RAD51B: variants seen among roughly 807,000 people sequenced by gnomAD.
RAD51B encodes the protein RAD51 paralog B, also known as DNA repair protein RAD51 homolog 2.
A neutral mutation model predicts 42.2 loss-of-function variants in RAD51B; 38 were observed. The observed-to-expected ratio is 0.90, with a 90% CI of 0.70 to 1.18. RAD51B has a LOEUF of 1.18. Ranked by LOEUF, RAD51B falls within the 50% of genes most tolerant of loss-of-function variation. The pLI is 0.00. For missense variants in RAD51B, 373 were observed against 400.7 expected (o/e 0.93, Z 0.59); for synonymous variants, 154 against 145.2 (o/e 1.06, Z -0.43).
chr14:68,525,602 A>G lies in RAD51B; in HGVS notation c.1036+57352A>G, dbSNP rs146786608. Reference sequence around the variant, plus strand: ...CTTCAGCCATCAGAGTTTCCCTGCAATGGGGTCTCTTCTTGACGAGTGATG... The same window carrying G: ...CTTCAGCCATCAGAGTTTCCCTGCAGTGGGGTCTCTTCTTGACGAGTGATG... On this transcript the variant is annotated intron_variant, in intron 10 of 10. Transcript: ENST00000487270. Among the ~76,000 whole-genome samples the G allele has an allele frequency of 2.4e-4, 37 of 152,256 alleles. No homozygotes were observed. In the East Asian group the frequency reaches 4.6e-3, roughly 19 times the overall value.
chr14:68,320,007 A>C (rs1447584709), intron 8 of RAD51B, among the ~76,000 whole-genome samples: 1 of 152,208 alleles, frequency 6.6e-6, no homozygotes, highest in African/African-American at 2.4e-5. Context: ...ATTGAAAGGC[A>C]GAAGTGGGAT....
intron 10 of RAD51B, among the ~76,000 whole-genome samples, chr14:68,604,237 C>T (rs1200104142): frequency 6.6e-6 from 1 of 152,136 alleles, no homozygotes; most frequent in Non-Finnish European, 1.5e-5. Flanking sequence ...CGGCCCACTC[C>T]CAGGCTGAAA....
At chr14:68,662,222 T>C (rs1892947375) in intron 11 of RAD51B, among the ~76,000 whole-genome samples, 1 of 152,244 alleles carries the variant, frequency 6.6e-6, no homozygotes, top group Non-Finnish European at 1.5e-5. Context: ...TTGATTCACG[T>C]CGACTTTACA....
intron 8 of RAD51B, among the ~76,000 whole-genome samples, chr14:68,382,652 A>G (rs561719386): frequency 1.8e-4 from 27 of 152,368 alleles, no homozygotes; most frequent in Admixed American, 1.4e-3. Flanking sequence ...TTGCTCACCA[A>G]TGCTAACAAA....
At chr14:68,173,262 T>C (rs1194881492) in intron 7 of RAD51B, among the ~76,000 whole-genome samples, 2 of 152,248 alleles carry the variant, frequency 1.3e-5, no homozygotes, top group East Asian at 3.8e-4. Flanking sequence ...GAGCCATTTG[T>C]AGTTAATACA....
At chr14:68,541,702 A>C in intron 10 of RAD51B, 1 of 985,474 alleles carries the variant, frequency 1.0e-6, no homozygotes, top group Non-Finnish European at 1.2e-6. Context: ...CATTTCTTAA[A>C]GAAGAAAAAG....
At chr14:68,579,254 A>T (rs2140055423) in intron 10 of RAD51B, among the ~76,000 whole-genome samples, 1 of 151,080 alleles carries the variant, frequency 6.6e-6, no homozygotes, top group East Asian at 1.9e-4. Context: ...AAATCACCAA[A>T]CTCCTCTCTC....
intron 10 of RAD51B, among the ~76,000 whole-genome samples, chr14:68,637,791 T>C (rs1892371430): frequency 6.6e-6 from 1 of 152,162 alleles, no homozygotes; most frequent in South Asian, 2.1e-4. Flanking sequence ...CAGGCGTTCA[T>C]GAGGACCTCT....
At chr14:68,376,185 T>C (rs2083366048) in intron 8 of RAD51B, among the ~76,000 whole-genome samples, 1 of 152,172 alleles carries the variant, frequency 6.6e-6, no homozygotes, top group Non-Finnish European at 1.5e-5. Flanking sequence ...TGCAAGTATT[T>C]TTCTCTGCTC....
intron 7 of RAD51B, among the ~76,000 whole-genome samples, chr14:67,933,170 C>T (rs8014844): frequency 0.06 from 9,100 of 152,254 alleles, 642 homozygotes; most frequent in African/African-American, 0.17. Context: ...CGGTAGAATG[C>T]ACCTTTGGTA....
intron 10 of RAD51B, among the ~76,000 whole-genome samples, chr14:68,642,255 C>A (rs936233499): frequency 7.9e-5 from 12 of 152,118 alleles, no homozygotes; most frequent in Non-Finnish European, 1.2e-4. Flanking sequence ...TTTTGGGAGG[C>A]TATTAATTAT....
chr14:68,094,028 C>A (rs542863113), intron 7 of RAD51B, among the ~76,000 whole-genome samples: 16 of 152,274 alleles, frequency 1.1e-4, no homozygotes, highest in African/African-American at 3.8e-4. Context: ...TAGACTTTCT[C>A]TTTTTTCCAA....
intron 7 of RAD51B, among the ~76,000 whole-genome samples, chr14:68,080,148 T>C (rs1595368519): frequency 6.6e-6 from 1 of 152,316 alleles, no homozygotes; most frequent in East Asian, 1.9e-4. Context: ...TCCCATGCTG[T>C]TCCCTTTTCT....
intron 7 of RAD51B, among the ~76,000 whole-genome samples, chr14:68,264,740 C>A (rs77883198): frequency 7.2e-4 from 109 of 152,218 alleles, no homozygotes; most frequent in Admixed American, 1.2e-3. Flanking sequence ...AGGATTAGAG[C>A]ATGCTGAATG....
intron 8 of RAD51B, among the ~76,000 whole-genome samples, chr14:68,378,583 A>T (rs2083417497): frequency 6.6e-6 from 1 of 152,142 alleles, no homozygotes; most frequent in Non-Finnish European, 1.5e-5. Context: ...TAATCTCTAG[A>T]TTACTTATAA....
chr14:68,591,644 G>A (rs953758223), intron 10 of RAD51B, among the ~76,000 whole-genome samples: 10 of 151,974 alleles, frequency 6.6e-5, no homozygotes, highest in Non-Finnish European at 1.3e-4. Flanking sequence ...GTGGCGTGGG[G>A]GAGTTGCTTC....
intron 8 of RAD51B, among the ~76,000 whole-genome samples, chr14:68,294,120 T>C (rs962393655): frequency 1.3e-5 from 2 of 152,218 alleles, no homozygotes; most frequent in Non-Finnish European, 1.5e-5. Flanking sequence ...TTATTTGTGT[T>C]GCCTTCCTGG....
At position 68,281,714 on chromosome 14, in the gene RAD51B, C is replaced by T. The variant is rs1234336598; in HGVS notation, c.757-10170C>T. On this transcript the variant is annotated intron_variant, in intron 7 of 10. Transcript: ENST00000471583. Reference sequence around the variant, plus strand: ...CTTATTAATGATGTCATATGAGAGGCGACAAATAGCTACCTGAAAATGAGG... The same window carrying T: ...CTTATTAATGATGTCATATGAGAGGTGACAAATAGCTACCTGAAAATGAGG... Among the ~76,000 whole-genome samples the T allele has an allele frequency of 4.6e-5, 7 of 152,272 alleles. 1 individual carries two copies. In the East Asian group the frequency reaches 5.8e-4, roughly 13 times the overall value.
chr14:67,882,324 C>T (rs1159534743), intron 5 of RAD51B, among the ~76,000 whole-genome samples: 1 of 152,142 alleles, frequency 6.6e-6, no homozygotes, highest in Non-Finnish European at 1.5e-5. Flanking sequence ...CCTTCTTGGT[C>T]ACCTCCTCCT....
Sources: gnomAD v4.1 joint callset for allele counts (sites outside exome capture counted in the v4.1 genomes callset) on GRCh38, gnomAD v4.1.1 for gene constraint, MANE v1.5 for transcripts, NCBI Gene and HGNC (gene_info 2026-07-23, HGNC 2026-07-21) for gene names.